The following SGCA variants were observed in gnomAD, a reference collection of about 807,000 sequenced individuals.
SGCA encodes alpha-sarcoglycan.
Under a neutral mutation model 38.1 loss-of-function variants are expected in SGCA, and 34 were observed. The ratio of observed to expected loss-of-function variants is 0.89; its 90% CI spans 0.68 to 1.19. The LOEUF (loss-of-function observed/expected upper bound fraction) is 1.19, where lower values mean the gene tolerates loss of function less well. Ranked by LOEUF, SGCA falls within the 50% of genes most tolerant of loss-of-function variation. The pLI is 0.00. For missense variants in SGCA, 476 were observed against 524.9 expected (o/e 0.91, Z 0.91); for synonymous variants, 209 against 214.6 (o/e 0.97, Z 0.23).
chr17:50,172,659 C>A (rs1445887550), intron 8 of SGCA, among the ~76,000 whole-genome samples: 1 of 152,168 alleles, frequency 6.6e-6, no homozygotes, highest in African/African-American at 2.4e-5. Flanking sequence ...GTTTTAAACT[C>A]ACCATTTTGA....
At chr17:50,172,555 A>G (rs1905543103) in intron 8 of SGCA, 1 of 299,562 alleles carries the variant, frequency 3.3e-6, no homozygotes, top group Non-Finnish European at 6.7e-6. Context: ...ATCATAGCTC[A>G]CTGCAACCTC....
intron 8 of SGCA, chr17:50,171,583 A>G (rs765151470): frequency 2.2e-5 from 10 of 456,812 alleles, no homozygotes; most frequent in Non-Finnish European, 4.4e-6. Context: ...TTTGGAGCCC[A>G]GTAGTGACCT....
Position 50,167,433 on chromosome 17 carries a change from G to A in SGCA, c.103G>A (p.Val35Ile), listed in dbSNP as rs140629621. ...CACGCTACACCCACTTGTGGGCCGT[G>A]TCTTTGTGCACACCTTGGACCATGA... Reference protein sequence around the residue: ...QTTLHPLVGRVFVHTLDHETF... With the variant: ...QTTLHPLVGRIFVHTLDHETF... The change falls in exon 2 of 10, where the codon GTC becomes ATC. Residue 35 changes from valine to isoleucine, a missense_variant. Coordinates refer to ENST00000262018, the MANE Select transcript of SGCA (RefSeq NM_000023.4). The surrounding 1 kb of genome is among the most constrained non-coding windows in gnomAD (Gnocchi z 4.5). The A allele has an allele frequency of 6.8e-6, 11 of 1,614,058 alleles. No individual in the cohort carries two copies. The highest frequency in any genetic ancestry group is 3.3e-4 in the Middle Eastern group (2 of 6,084).
At chr17:50,175,160 T>C in intron 8 of SGCA, 97 bp from the exon 9 acceptor site, 1 of 1,084,412 alleles carries the variant, frequency 9.2e-7, no homozygotes, top group Admixed American at 2.0e-5. Flanking sequence ...CCCACATAAG[T>C]GGTGGGGAGG....
chr17:50,175,682 C>G (rs1905885682), intron 9 of SGCA, 30 bp from the exon 10 acceptor site: 1 of 668,944 alleles, frequency 1.5e-6, no homozygotes, highest in African/African-American at 1.8e-5. Flanking sequence ...GCATCTGGCC[C>G]TCTCAGCCCT....
intron 7 of SGCA, 97 bp downstream of exon 7, chr17:50,170,448 G>A: frequency 1.4e-6 from 2 of 1,395,844 alleles, no homozygotes; most frequent in South Asian, 2.4e-5. Context: ...AGACACCATG[G>A]GAATGGGGTT....
In SGCA at chr17:50,168,147, G is replaced by A; in HGVS notation, c.385+128G>A. On this transcript the variant is annotated intron_variant, in intron 4 of 9. Coordinates refer to ENST00000262018, the MANE Select transcript of SGCA (RefSeq NM_000023.4). ...GGAGCAGGGCATCCTGGAAAGTGGG[G>A]ACAAGGCTCTCAGGGAATGGGTGCT... 4 of 938,734 alleles carry A rather than the reference G, an allele frequency of 4.3e-6. No individual in the cohort carries two copies. The South Asian group carries it at 5.3e-5, about 12-fold the overall frequency. 58.2% of individuals were successfully genotyped at this position (938,734 alleles called of 1,614,324 possible).
Position 50,168,576 on chromosome 17 carries a change from G to A in SGCA, c.584+4G>A, listed in dbSNP as rs1467645377. The A allele has an allele frequency of 6.4e-7, 1 of 1,559,604 alleles. No homozygotes were observed. The highest frequency in any genetic ancestry group is 1.2e-5 in the South Asian group (1 of 84,658). Reference sequence around the variant, plus strand: ...CCATTGAGGGCCGAAAAGAAGGGTAGGTGTGCAACCCTAGAGGACTTCCTG... The same window carrying A: ...CCATTGAGGGCCGAAAAGAAGGGTAAGTGTGCAACCCTAGAGGACTTCCTG... On this transcript the variant is annotated splice_donor_region_variant and intron_variant, in intron 5 of 9. Coordinates refer to ENST00000262018, the MANE Select transcript of SGCA (RefSeq NM_000023.4).
At chr17:50,172,409 T>A (rs1271049139) in intron 8 of SGCA, 3 of 419,364 alleles carry the variant, frequency 7.2e-6, no homozygotes, top group Non-Finnish European at 1.5e-5. Flanking sequence ...GCTGCGCTTG[T>A]GGGCCAGACA....
rs138254713 is a variant in SGCA at position 50,169,169 on chromosome 17, G to C, written c.662G>C (p.Arg221Pro). ...GTGGCATCCCCCGATAGCCACGCCC[G>C]CTGTGCCCAGGGCCAGCCTCCACTT... is the stretch of plus-strand genomic sequence containing the variant. ...KMVASPDSHARCAQGQPPLLS... is the reference protein window; with the variant it reads ...KMVASPDSHAPCAQGQPPLLS... Residue 221 changes from arginine (R) to proline (P), a missense_variant, in exon 6 of 10, where the codon CGC (arginine) becomes CCC (proline). Transcript: ENST00000262018. The C allele has an allele frequency of 6.2e-7, 1 of 1,613,916 alleles. No homozygotes were observed.
intron 8 of SGCA, chr17:50,172,471 G>A: frequency 3.0e-6 from 1 of 334,294 alleles, no homozygotes; most frequent in South Asian, 2.3e-5. Flanking sequence ...ACATGCCTGG[G>A]CGGATTTTAT....
rs143365858 is a variant in SGCA, at chr17:50,175,324, C to T, written c.1051C>T (p.Arg351Cys). The T allele has an allele frequency of 2.3e-5, 37 of 1,609,596 alleles. No individual in the cohort carries two copies. Among genetic ancestry groups the T allele is most frequent in the African/African-American group, 1.9e-4 (14 of 74,914 alleles). The change falls in exon 9 of 10, where the codon CGC (arginine) becomes TGC (cysteine). Residue 351 changes from arginine to cysteine, a missense_variant. Coordinates refer to ENST00000262018, the MANE Select transcript of SGCA (RefSeq NM_000023.4). The stretch of plus-strand genomic sequence containing the variant: ...GGAGCTGCGGCAGATGGCGGCCAGC[C>T]GCGAGGTGCCCCGGCCACTCTCCAC... ...TEELRQMAAS[R>C]EVPRPLSTLP...
At position 50,169,232 on chromosome 17, in the gene SGCA, T is replaced by C. The variant is rs1384158714; in HGVS notation, c.725T>C (p.Val242Ala). The C allele has an allele frequency of 1.2e-6, 2 of 1,613,744 alleles. No homozygotes were observed. Among genetic ancestry groups the C allele is most frequent in the Admixed American group, 1.7e-5 (1 of 59,994 alleles). The change falls in exon 6 of 10, where the codon GTT becomes GCT. Residue 242 changes from valine to alanine, a missense_variant. By Grantham distance (64) the Val-to-Ala change is moderately conservative (BLOSUM62 0). Coordinates refer to ENST00000262018, the MANE Select transcript of SGCA (RefSeq NM_000023.4). ...GACACCTTGGCACCCCACTTCCGCG[T>C]TGACTGGTGCAATGTGACCCTGGTG... ...CYDTLAPHFR[V>A]DWCNVTLVDK...
chr17:50,167,202 C>G lies in SGCA; in HGVS notation c.38-166C>G, dbSNP rs538043721. 1.3e-5 allele frequency among the ~76,000 whole-genome samples: 2 copies of G among 152,278 alleles called. No homozygotes were observed. Among genetic ancestry groups the G allele is most frequent in the East Asian group, 3.9e-4 (2 of 5,158 alleles). On this transcript the variant is annotated intron_variant, in intron 1 of 9. Transcript: ENST00000262018. The surrounding 1 kb of genome is among the most constrained non-coding windows in gnomAD (Gnocchi z 4.5). ...CAGACGATTAAAATGTCTAGCCCAG[C>G]AGGGCTTGCTCCCCCATCCCCACCC... is the stretch of plus-strand genomic sequence containing the variant.
chr17:50,172,466 C>T (rs1335295540), intron 8 of SGCA: 16 of 336,064 alleles, frequency 4.8e-5, no homozygotes, highest in African/African-American at 3.2e-4. Flanking sequence ...TGTGCACATG[C>T]CTGGGCGGAT....
intron 6 of SGCA, 192 bp downstream of exon 6, chr17:50,169,446 C>CACACACACACACACA: frequency 6.9e-6 from 4 of 576,264 alleles, no homozygotes; most frequent in Non-Finnish European, 3.1e-6. Context: ...CACACACACA[C>CACACACACACACACA]CCCTGAAGTT....
chr17:50,170,414 T>G, intron 7 of SGCA, 63 bp downstream of exon 7: 1 of 1,501,726 alleles, frequency 6.7e-7, no homozygotes, highest in Non-Finnish European at 9.2e-7. Context: ...GGACTCACAG[T>G]GGCACTTGTG....
chr17:50,169,274 C>T lies in SGCA; in HGVS notation c.747+20C>T, dbSNP rs770468219. 7 of 1,601,186 alleles carry T rather than the reference C, an allele frequency of 4.4e-6. No individual in the cohort carries two copies. In the South Asian group the frequency reaches 7.8e-5, roughly 18 times the overall value. The stretch of plus-strand genomic sequence containing the variant: ...ACCCTGGTGAGGAGGGACCCTGGGT[C>T]CGGGGGTGGGGTGGGGCATGGCCCC... On this transcript the variant is annotated intron_variant, in intron 6 of 9. Coordinates refer to ENST00000262018, the MANE Select transcript of SGCA (RefSeq NM_000023.4).
Position 50,175,446 on chromosome 17 carries a change from C to G in SGCA, c.*9C>G. ...TTCTGGACCAGCACTGACAGCCTAG[C>G]CAGGTAGGTCTGGTGGGTGATGCCA... is the stretch of plus-strand genomic sequence containing the variant. On this transcript the variant is annotated 3_prime_UTR_variant, in exon 9 of 10. Coordinates refer to ENST00000262018, the MANE Select transcript of SGCA (RefSeq NM_000023.4). 6.2e-7 allele frequency: 1 copy of G among 1,611,722 alleles called. No individual in the cohort carries two copies. The highest frequency in any genetic ancestry group is 8.5e-7 in the Non-Finnish European group (1 of 1,179,106).
Sources: gnomAD v4.1 joint callset for allele counts (sites outside exome capture counted in the v4.1 genomes callset) on GRCh38, gnomAD v4.1.1 for gene constraint, Gnocchi (gnomAD v3.1) non-coding constraint, MANE v1.5 for transcripts, NCBI Gene and HGNC (gene_info 2026-07-23, HGNC 2026-07-21) for gene names.